Variants in CIMAP3 observed in about 807,000 individuals in gnomAD.
CIMAP3 encodes the protein ciliary microtubule-associated protein 3.
At chr1:111,352,223 A>C in the CIMAP3 span, 20,319 of 152,568 alleles carry the variant, frequency 0.13, 1,545 homozygotes, top group African/African-American at 0.19. Flanking sequence ...TCAAGTATAT[A>C]GTTTGTTCAG....
chr1:111,336,759 T>C, the CIMAP3 span, among the ~76,000 whole-genome samples: 1 of 152,174 alleles, frequency 6.6e-6, no homozygotes, highest in Admixed American at 6.5e-5. Flanking sequence ...TGGAACCAAG[T>C]TGGAAAACAC....
chr1:111,352,744 A>G, the CIMAP3 span: 1 of 152,226 alleles, frequency 6.6e-6, no homozygotes, highest in Non-Finnish European at 1.5e-5. Flanking sequence ...AGATTTTTTC[A>G]GAGGTGACAA....
At chr1:111,332,589 C>A in the CIMAP3 span, among the ~76,000 whole-genome samples, 3 of 152,146 alleles carry the variant, frequency 2.0e-5, no homozygotes, top group Non-Finnish European at 4.4e-5. Flanking sequence ...TTGAGGTGAT[C>A]TGTGGGGCTG....
the CIMAP3 span, chr1:111,348,553 G>A: frequency 6.2e-7 from 1 of 1,609,858 alleles, no homozygotes; most frequent in Non-Finnish European, 8.5e-7. Flanking sequence ...CAGAAAGTAA[G>A]TCCTCAGCAG....
chr1:111,342,350 G>A, the CIMAP3 span, among the ~76,000 whole-genome samples: 27 of 152,228 alleles, frequency 1.8e-4, no homozygotes, highest in African/African-American at 6.5e-4. Flanking sequence ...GAGTGGAAAT[G>A]ATGTGTCCAA....
chr1:111,352,433 C>T, the CIMAP3 span: 1 of 152,608 alleles, frequency 6.6e-6, no homozygotes, highest in Non-Finnish European at 1.5e-5. Flanking sequence ...AAAGGGCTAG[C>T]AAGAGGTGAA....
chr1:111,330,930 C>T, the CIMAP3 span, among the ~76,000 whole-genome samples: 1 of 152,192 alleles, frequency 6.6e-6, no homozygotes, highest in Admixed American at 6.5e-5. Context: ...CTCCTCTCCT[C>T]CATTTCTGAA....
chr1:111,349,981 A>C, the CIMAP3 span: 1 of 674,594 alleles, frequency 1.5e-6, no homozygotes, highest in South Asian at 2.1e-5. Flanking sequence ...GCTTAATTAA[A>C]AAGCTAATCA....
the CIMAP3 span, among the ~76,000 whole-genome samples, chr1:111,331,660 A>G: frequency 1.4e-3 from 214 of 150,748 alleles, 2 homozygotes; most frequent in African/African-American, 4.2e-3. Flanking sequence ...CCTTAATATT[A>G]TTATTTTAAA....
the CIMAP3 span, among the ~76,000 whole-genome samples, chr1:111,347,437 T>C: frequency 0.11 from 16,551 of 152,002 alleles, 1,006 homozygotes; most frequent in Non-Finnish European, 0.13. Flanking sequence ...TCCTATAGTC[T>C]ACGTATCCAG....
chr1:111,334,588 T>G, the CIMAP3 span, among the ~76,000 whole-genome samples: 1 of 152,128 alleles, frequency 6.6e-6, no homozygotes, highest in Non-Finnish European at 1.5e-5. Context: ...GATATGTGAG[T>G]TCTCTGACCA....
the CIMAP3 span, chr1:111,346,491 T>C: frequency 9.9e-7 from 1 of 1,008,388 alleles, no homozygotes; most frequent in South Asian, 1.6e-5. Context: ...GGCTCCAAGG[T>C]GCGGGTTCCT....
At chr1:111,351,350 G>T in the CIMAP3 span, 1 of 1,531,430 alleles carries the variant, frequency 6.5e-7, no homozygotes, top group Middle Eastern at 1.8e-4. Context: ...ACCTTCACGT[G>T]CTCCTCTTAT....
At chr1:111,348,549 G>A in the CIMAP3 span, 3 of 1,608,764 alleles carry the variant, frequency 1.9e-6, no homozygotes, top group South Asian at 1.1e-5. Flanking sequence ...GTACCAGAAA[G>A]TAAGTCCTCA....
the CIMAP3 span, among the ~76,000 whole-genome samples, chr1:111,335,614 C>T: frequency 1.1e-4 from 16 of 152,234 alleles, no homozygotes; most frequent in African/African-American, 3.4e-4. Flanking sequence ...AGCAGTCTGA[C>T]ATCAAACTGC....
At chr1:111,326,606 T>A in the CIMAP3 span, among the ~76,000 whole-genome samples, 1 of 152,160 alleles carries the variant, frequency 6.6e-6, no homozygotes, top group Admixed American at 6.5e-5. Context: ...AATGCAGGTA[T>A]CCCTTTGATA....
At chr1:111,327,462 T>C in the CIMAP3 span, among the ~76,000 whole-genome samples, 1 of 152,242 alleles carries the variant, frequency 6.6e-6, no homozygotes, top group Non-Finnish European at 1.5e-5. Flanking sequence ...TCTGGTAGAA[T>C]TCTGCTGTGA....
At chr1:111,335,302 T>C in the CIMAP3 span, among the ~76,000 whole-genome samples, 4 of 152,028 alleles carry the variant, frequency 2.6e-5, no homozygotes, top group African/African-American at 7.2e-5. Flanking sequence ...TGCATTTCCA[T>C]CTGAGGTACC....
At chr1:111,351,482 TAA>T in the CIMAP3 span, 1 of 572,044 alleles carries the variant, frequency 1.7e-6, no homozygotes, top group Admixed American at 3.6e-5. Context: ...TATGAGAACA[TAA>T]AGACTAGTGC....
Sources: gnomAD v4.1 joint callset for allele counts (sites outside exome capture counted in the v4.1 genomes callset) on GRCh38, gnomAD v4.1.1 for gene constraint, MANE v1.5 for transcripts, NCBI Gene and HGNC (gene_info 2026-07-23, HGNC 2026-07-21) for gene names.